PTPRK: variants seen among roughly 807,000 people sequenced by gnomAD.
The protein encoded by PTPRK is protein tyrosine phosphatase receptor type K.
PTPRK carries 75 observed loss-of-function variants against 178.0 expected under a neutral mutation model. That is an observed-to-expected ratio of 0.42 (90% CI 0.35 to 0.51). The LOEUF is 0.51. PTPRK is among the 20% of genes least tolerant of loss of function. The pLI is 0.02. For missense variants in PTPRK, 1,441 were observed against 1,797.8 expected (o/e 0.80, Z 3.59); for synonymous variants, 637 against 620.6 (o/e 1.03, Z -0.39).
intron 5 of PTPRK, among the ~76,000 whole-genome samples, chr6:128,234,640 G>A (rs1308655049): frequency 6.6e-6 from 1 of 152,156 alleles, no homozygotes; most frequent in East Asian, 1.9e-4. Flanking sequence ...CATTCACGCT[G>A]TTGCATTATC....
At position 128,371,231 on chromosome 6, in the gene PTPRK, T is replaced by C. The variant is rs1836235117; in HGVS notation, c.223+26335A>G. The stretch of plus-strand genomic sequence containing the variant: ...CTGTCGATTCATTTTATTAGTTACA[T>C]CTGTTTCATCAGTTTGGACTCTATC... On this transcript the variant is annotated intron_variant, in intron 2 of 29. Coordinates refer to ENST00000368226, the MANE Select transcript of PTPRK (RefSeq NM_002844.4). Among the ~76,000 whole-genome samples the C allele has an allele frequency of 2.6e-5, 4 of 152,152 alleles. No homozygotes were observed. In the South Asian group the frequency reaches 8.3e-4, roughly 32 times the overall value.
At chr6:128,207,161 C>G (rs1174322187) in intron 6 of PTPRK, among the ~76,000 whole-genome samples, 2 of 152,084 alleles carry the variant, frequency 1.3e-5, no homozygotes, top group Non-Finnish European at 2.9e-5. Context: ...TTCTTACCAC[C>G]AAGCCATCCA....
chr6:128,462,630 TTTATTTATTTA>T (rs1849214629), intron 1 of PTPRK, among the ~76,000 whole-genome samples: 1 of 72,956 alleles, frequency 1.4e-5, no homozygotes, highest in African/African-American at 6.6e-5. Flanking sequence ...GTATATTTTA[TTTATTTATTTA>T]TTTATTTATT....
At chr6:128,513,463 A>G (rs1490505628) in intron 1 of PTPRK, among the ~76,000 whole-genome samples, 1 of 150,394 alleles carries the variant, frequency 6.6e-6, no homozygotes, top group African/African-American at 2.5e-5. Flanking sequence ...AGCTTGGGTG[A>G]CAGGGCAAGA....
intron 1 of PTPRK, among the ~76,000 whole-genome samples, chr6:128,499,681 G>T (rs1489334007): frequency 6.6e-6 from 1 of 152,184 alleles, no homozygotes; most frequent in East Asian, 1.9e-4. Flanking sequence ...TTTTTGGCCA[G>T]ACCCACAGTT....
chr6:127,990,899 A>G lies in PTPRK; in HGVS notation c.2980-14T>C, dbSNP rs753021431. 7 of 1,458,544 alleles carry G rather than the reference A, an allele frequency of 4.8e-6. No individual in the cohort carries two copies. The highest frequency in any genetic ancestry group is 6.7e-6 in the Non-Finnish European group (7 of 1,038,988). The allele number at this position is 1,458,544 out of a possible 1,614,324, so 90.4% of individuals were successfully genotyped here. On this transcript the variant is annotated splice_polypyrimidine_tract_variant and intron_variant, in intron 20 of 29. Transcript: ENST00000368226. ...ATAGCATTTAACCTAAGTGACAAAAAGAATATATAGACAGACCTGAATATA... is the reference window on the plus strand; with the variant it reads ...ATAGCATTTAACCTAAGTGACAAAAGGAATATATAGACAGACCTGAATATA...
chr6:128,378,721 A>G (rs528178724), intron 2 of PTPRK, among the ~76,000 whole-genome samples: 1 of 152,156 alleles, frequency 6.6e-6, no homozygotes, highest in Non-Finnish European at 1.5e-5. Context: ...AATATGCCAT[A>G]TAACTGAAAA....
At chr6:128,149,461 A>G (rs1385919704) in intron 7 of PTPRK, among the ~76,000 whole-genome samples, 1 of 152,188 alleles carries the variant, frequency 6.6e-6, no homozygotes, top group Non-Finnish European at 1.5e-5. Context: ...AATAGTTGTT[A>G]TATTGCAGTC....
intron 6 of PTPRK, among the ~76,000 whole-genome samples, chr6:128,212,165 T>C (rs1808308837): frequency 1.3e-5 from 2 of 152,084 alleles, no homozygotes; most frequent in South Asian, 4.1e-4. Flanking sequence ...TGTGTCATGA[T>C]ACTCAATAAT....
chr6:128,302,809 CA>C (rs2128312889), intron 3 of PTPRK, among the ~76,000 whole-genome samples: 2 of 152,208 alleles, frequency 1.3e-5, no homozygotes, highest in Admixed American at 1.3e-4. Flanking sequence ...TCACTTCTGT[CA>C]GTATCTTTAT....
At chr6:128,429,880 A>G (rs1327473506) in intron 1 of PTPRK, among the ~76,000 whole-genome samples, 1 of 152,200 alleles carries the variant, frequency 6.6e-6, no homozygotes, top group East Asian at 1.9e-4. Context: ...TATTTGTATA[A>G]TCATCAATGC....
At chr6:128,195,429 G>A (rs1313844292) in intron 6 of PTPRK, among the ~76,000 whole-genome samples, 1 of 151,838 alleles carries the variant, frequency 6.6e-6, no homozygotes, top group Non-Finnish European at 1.5e-5. Context: ...TAAATCAGGA[G>A]ACACTACTTG....
chr6:128,356,430 CT>C (rs1373404899), intron 2 of PTPRK, among the ~76,000 whole-genome samples: 3 of 152,176 alleles, frequency 2.0e-5, no homozygotes, highest in Admixed American at 2.0e-4. Context: ...CTAATGAGCC[CT>C]TAATTAATGA....
At chr6:128,015,985 T>C (rs937112359) in intron 13 of PTPRK, among the ~76,000 whole-genome samples, 11 of 151,854 alleles carry the variant, frequency 7.2e-5, no homozygotes, top group Non-Finnish European at 1.6e-4. Context: ...ACTACTAAAA[T>C]GACCTTTTGA....
intron 18 of PTPRK, 99 bp downstream of exon 18, chr6:127,995,363 A>T: frequency 6.6e-7 from 1 of 1,521,788 alleles, no homozygotes; most frequent in Non-Finnish European, 9.1e-7. Flanking sequence ...TTGTACTTTT[A>T]TATTTTAAAA....
At chr6:128,509,937 C>T (rs1856927283) in intron 1 of PTPRK, among the ~76,000 whole-genome samples, 1 of 152,110 alleles carries the variant, frequency 6.6e-6, no homozygotes. Context: ...TGAGTCAACA[C>T]CAGATAGCAA....
chr6:128,364,943 T>C (rs1470816634), intron 2 of PTPRK, among the ~76,000 whole-genome samples: 1 of 152,098 alleles, frequency 6.6e-6, no homozygotes, highest in African/African-American at 2.4e-5. Context: ...AGTGCTGTAA[T>C]AGAGTCGATG....
At chr6:128,190,187 C>T (rs564336738) in intron 6 of PTPRK, among the ~76,000 whole-genome samples, 1 of 152,204 alleles carries the variant, frequency 6.6e-6, no homozygotes, top group Admixed American at 6.5e-5. Context: ...AATAAGGTTT[C>T]TCCTACACTG....
intron 4 of PTPRK, chr6:128,241,295 G>T (rs929063636): frequency 5.6e-6 from 3 of 533,288 alleles, no homozygotes; most frequent in Non-Finnish European, 1.2e-5. Context: ...CTCAATTTAC[G>T]AACTCTAGAC....
Sources: gnomAD v4.1 joint callset for allele counts (sites outside exome capture counted in the v4.1 genomes callset) on GRCh38, gnomAD v4.1.1 for gene constraint, MANE v1.5 for transcripts, NCBI Gene and HGNC (gene_info 2026-07-23, HGNC 2026-07-21) for gene names.